Variants in IGSF10 observed in about 807,000 individuals in gnomAD.
IGSF10 encodes calvaria mechanical force protein 608.
IGSF10 carries 126 observed loss-of-function variants against 128.2 expected under a neutral mutation model. The observed-to-expected ratio is 0.98, with a 90% CI of 0.85 to 1.14. The LOEUF (loss-of-function observed/expected upper bound fraction) is 1.14, where lower values mean the gene tolerates loss of function less well. Among genes scored for constraint, IGSF10 ranks in the 50% most tolerant of loss-of-function variants. IGSF10 has a pLI of 0.00. For missense variants in IGSF10, 3,295 were observed against 3,149.8 expected (o/e 1.05, Z -1.10); for synonymous variants, 1,185 against 1,146.2 (o/e 1.03, Z -0.68).
chr3:151,556,786 G>T, the IGSF10 span, among the ~76,000 whole-genome samples: 86 of 152,222 alleles, frequency 5.6e-4, no homozygotes, highest in Non-Finnish European at 1.1e-3. Flanking sequence ...TGTGCATAGG[G>T]AGGATAAGTT....
At chr3:151,474,873 G>T in the IGSF10 span, among the ~76,000 whole-genome samples, 1 of 152,156 alleles carries the variant, frequency 6.6e-6, no homozygotes, top group Non-Finnish European at 1.5e-5. Context: ...ACCAGATCTT[G>T]TGAGACTTAT....
chr3:151,595,792 A>G, the IGSF10 span, among the ~76,000 whole-genome samples: 4 of 151,024 alleles, frequency 2.6e-5, no homozygotes, highest in African/African-American at 9.7e-5. Context: ...GGGGAAGGAG[A>G]AGGAGAAGGA....
chr3:151,614,913 C>T, the IGSF10 span, among the ~76,000 whole-genome samples: 1 of 150,542 alleles, frequency 6.6e-6, no homozygotes, highest in Non-Finnish European at 1.5e-5. Context: ...AAAAAGAAGC[C>T]TGTAATGTAA....
chr3:151,613,534 A>C, the IGSF10 span, among the ~76,000 whole-genome samples: 2 of 152,234 alleles, frequency 1.3e-5, no homozygotes, highest in African/African-American at 2.4e-5. Flanking sequence ...ATCTACAACT[A>C]TCTGATCTTT....
chr3:151,589,854 T>C, the IGSF10 span, among the ~76,000 whole-genome samples: 1 of 152,192 alleles, frequency 6.6e-6, no homozygotes, highest in Non-Finnish European at 1.5e-5. Context: ...AAGGTTTTCT[T>C]TTTCAGTCAC....
chr3:151,458,680 G>T lies in IGSF10; in HGVS notation c.30C>A (p.Cys10Ter). 6.2e-7 allele frequency: 1 copy of T among 1,613,878 alleles called. No homozygotes were observed. The highest frequency in any genetic ancestry group is 2.2e-5 in the East Asian group (1 of 44,884). The change falls in exon 3 of 8, where the codon TGC becomes TGA. Residue 10 changes from cysteine (C) to a stop codon, truncating the protein, a stop_gained. Coordinates refer to ENST00000282466, the MANE Select transcript of IGSF10 (RefSeq NM_178822.5). LOFTEE classifies it high-confidence loss of function. Reference sequence around the variant, plus strand: ...AGATCACAGCAAAGGAGACCAGCAAGCAGGTGATTCCTCTGCCTTTTACCT... The same window carrying T: ...AGATCACAGCAAAGGAGACCAGCAATCAGGTGATTCCTCTGCCTTTTACCT... MKVKGRGITCLLVSFAVICL... is the reference protein window; with the variant it reads MKVKGRGIT
At chr3:151,464,299 G>A (rs1415551984), upstream of IGSF10, among the ~76,000 whole-genome samples, 2 of 151,924 alleles carry the variant, frequency 1.3e-5, no homozygotes, top group African/African-American at 4.8e-5. Flanking sequence ...AGTATTGTTG[G>A]TAAATTCTCA....
the IGSF10 span, among the ~76,000 whole-genome samples, chr3:151,579,417 C>T: frequency 6.6e-6 from 1 of 151,990 alleles, no homozygotes; most frequent in African/African-American, 2.4e-5. Context: ...TAAAAACAAA[C>T]AAACTATAAA....
At chr3:151,606,361 C>G in the IGSF10 span, among the ~76,000 whole-genome samples, 6 of 152,142 alleles carry the variant, frequency 3.9e-5, no homozygotes, top group Non-Finnish European at 7.4e-5. Context: ...TTTCGTTATG[C>G]AAATTTCAGA....
chr3:151,489,763 T>C, the IGSF10 span, among the ~76,000 whole-genome samples: 3 of 151,310 alleles, frequency 2.0e-5, no homozygotes. Flanking sequence ...TAAGTGGGAG[T>C]TGAATAATAA....
At chr3:151,536,546 T>C in the IGSF10 span, among the ~76,000 whole-genome samples, 2 of 152,164 alleles carry the variant, frequency 1.3e-5, no homozygotes, top group Admixed American at 6.5e-5. Flanking sequence ...AAAGGGTCCA[T>C]GCAAGGAAGG....
At chr3:151,511,281 CA>C in the IGSF10 span, among the ~76,000 whole-genome samples, 1 of 152,290 alleles carries the variant, frequency 6.6e-6, no homozygotes, top group East Asian at 1.9e-4. Flanking sequence ...AGAAACTCTA[CA>C]AAGCCAGAAG....
rs1392242959 is a variant in IGSF10, at chr3:151,461,038, C to A, written c.-181G>T. On this transcript the variant is annotated 5_prime_UTR_variant, in exon 1 of 8. Transcript: ENST00000282466. Reference sequence around the variant, plus strand: ...GCTGCTGGGGTCGTGCGGAGCTGGTCCGGAGCTCTGGGAGGGAAGGAAGGA... The same window carrying A: ...GCTGCTGGGGTCGTGCGGAGCTGGTACGGAGCTCTGGGAGGGAAGGAAGGA... 1 of 985,202 alleles carries A rather than the reference C, an allele frequency of 1.0e-6. No homozygotes were observed. The highest frequency in any genetic ancestry group is 1.7e-5 in the African/African-American group (1 of 57,204). 61.0% of individuals were successfully genotyped at this position (985,202 alleles called of 1,614,324 possible). A position where few individuals can be genotyped will look rare whatever the true frequency, so the allele number is the denominator to read the frequency against.
At chr3:151,434,433 A>G (rs1219676722), downstream of IGSF10, 1 of 152,146 alleles carries the variant, frequency 6.6e-6, no homozygotes, top group Non-Finnish European at 1.5e-5. Flanking sequence ...CAGCCTGCCC[A>G]TTTTGTGTTT....
the IGSF10 span, among the ~76,000 whole-genome samples, chr3:151,503,715 G>C: frequency 1.3e-5 from 2 of 152,144 alleles, no homozygotes; most frequent in Admixed American, 1.3e-4. Context: ...CGCCAAATTG[G>C]CTAAATGGGA....
At chr3:151,514,028 T>G in the IGSF10 span, among the ~76,000 whole-genome samples, 1 of 152,196 alleles carries the variant, frequency 6.6e-6, no homozygotes, top group African/African-American at 2.4e-5. Context: ...ATCAATATCG[T>G]GAAAATGGCC....
chr3:151,519,920 C>T, the IGSF10 span, among the ~76,000 whole-genome samples: 4 of 151,862 alleles, frequency 2.6e-5, no homozygotes, highest in South Asian at 4.2e-4. Flanking sequence ...TGTTATAGTG[C>T]ATATTAAAGA....
the IGSF10 span, among the ~76,000 whole-genome samples, chr3:151,561,030 C>CAACA: frequency 6.6e-6 from 1 of 152,038 alleles, no homozygotes; most frequent in Admixed American, 6.6e-5. Context: ...TAAATTGAGC[C>CAACA]AACATATTTC....
At chr3:151,602,808 C>T in the IGSF10 span, among the ~76,000 whole-genome samples, 1 of 152,186 alleles carries the variant, frequency 6.6e-6, no homozygotes, top group East Asian at 1.9e-4. Context: ...GACAAGATAA[C>T]TGAAGGGAAT....
Sources: allele counts gnomAD v4.1 joint callset (sites outside exome capture counted in the v4.1 genomes callset), GRCh38; gene constraint gnomAD v4.1.1; transcripts MANE v1.5; gene names NCBI Gene and HGNC (gene_info 2026-07-23, HGNC 2026-07-21).